NALF1: variants seen among roughly 807,000 people sequenced by gnomAD.
NALF1 encodes the protein NALCN channel auxiliary factor 1.
NALF1 carries 3 observed loss-of-function variants against 48.4 expected under a neutral mutation model. That is an observed-to-expected ratio of 0.06 (90% confidence interval 0.03 to 0.16). The LOEUF (loss-of-function observed/expected upper bound fraction) is 0.16, where lower values mean the gene tolerates loss of function less well. Ranked by LOEUF, NALF1 falls within the 10% of genes least tolerant of loss-of-function variation. The pLI, the probability that NALF1 is intolerant of heterozygous loss-of-function variation, is 1.00. For missense variants in NALF1, 526 were observed against 571.5 expected (o/e 0.92, Z 0.81); for synonymous variants, 262 against 245.7 (o/e 1.07, Z -0.62).
chr13:107,852,334 A>C (rs1258904818), intron 1 of NALF1, among the ~76,000 whole-genome samples: 1 of 152,148 alleles, frequency 6.6e-6, no homozygotes, highest in African/African-American at 2.4e-5. Context: ...TCAGTGCCTA[A>C]ATTACCATTG....
Position 107,163,914 on chromosome 13 carries a change from A to G in NALF1, c.*6583T>C, listed in dbSNP as rs1176062369. ...GAGAAAAAGGAAGAAAAAGAAAGCAAGAGGTTTTCTTTTAACGTCCATATA... is the reference window on the plus strand; with the variant it reads ...GAGAAAAAGGAAGAAAAAGAAAGCAGGAGGTTTTCTTTTAACGTCCATATA... On this transcript the variant is annotated 3_prime_UTR_variant, in exon 3 of 3. Coordinates refer to ENST00000375915, the MANE Select transcript of NALF1 (RefSeq NM_001080396.3). The G allele has an allele frequency of 6.6e-6, 1 of 152,208 alleles. No homozygotes were observed. The highest frequency in any genetic ancestry group is 6.5e-5 in the Admixed American group (1 of 15,282). The allele number at this position is 152,208 out of a possible 1,614,324, so 9.4% of individuals were successfully genotyped here.
chr13:107,526,861 A>C (rs1473546649), intron 1 of NALF1, among the ~76,000 whole-genome samples: 1 of 152,176 alleles, frequency 6.6e-6, no homozygotes, highest in Non-Finnish European at 1.5e-5. Context: ...ATGAGTCCAG[A>C]AAAACACTTT....
In NALF1 at chr13:107,537,529, C is replaced by T. The variant is rs75687761; in HGVS notation, c.916-326774G>A. On this transcript the variant is annotated intron_variant, in intron 1 of 2. Coordinates refer to ENST00000375915, the MANE Select transcript of NALF1 (RefSeq NM_001080396.3). ...GCCACAATATTTTTACAGATTCATG[C>T]TAATAATGATACAGTTGTCGTCTTA... Among the ~76,000 whole-genome samples the T allele has an allele frequency of 6.9e-3, 1,056 of 152,136 alleles. 39 individuals are homozygous for T. The East Asian group carries it at 0.1, about 15-fold the overall frequency.
chr13:107,767,625 G>A (rs1262313207), intron 1 of NALF1, among the ~76,000 whole-genome samples: 1 of 152,154 alleles, frequency 6.6e-6, no homozygotes, highest in East Asian at 1.9e-4. Context: ...GCTTTCATGG[G>A]ATAGTATAAA....
intron 1 of NALF1, among the ~76,000 whole-genome samples, chr13:107,679,692 T>C (rs1881227334): frequency 6.6e-6 from 1 of 152,126 alleles, no homozygotes; most frequent in South Asian, 2.1e-4. Flanking sequence ...CCCACTGTGG[T>C]GCTGCACCAT....
chr13:107,702,627 C>G (rs762424100), intron 1 of NALF1, among the ~76,000 whole-genome samples: 6 of 152,080 alleles, frequency 3.9e-5, no homozygotes, highest in Non-Finnish European at 8.8e-5. Context: ...GTTTGCCGCA[C>G]AGACCATCCC....
chr13:107,278,718 T>C (rs1881329227), intron 1 of NALF1, among the ~76,000 whole-genome samples: 1 of 152,206 alleles, frequency 6.6e-6, no homozygotes, highest in African/African-American at 2.4e-5. Context: ...TGATAGCATT[T>C]TTGCCTGATC....
intron 1 of NALF1, among the ~76,000 whole-genome samples, chr13:107,774,849 C>A (rs1325518246): frequency 6.6e-6 from 1 of 152,098 alleles, no homozygotes; most frequent in East Asian, 1.9e-4. Context: ...ATGGTTCTTC[C>A]TTCCTCTCTT....
intron 1 of NALF1, among the ~76,000 whole-genome samples, chr13:107,467,865 C>A (rs949924586): frequency 6.6e-6 from 1 of 151,862 alleles, no homozygotes; most frequent in Admixed American, 6.6e-5. Flanking sequence ...ATGGTGAAAC[C>A]CCATCTCTAC....
rs181578788 is a variant in NALF1, at chr13:107,504,024, C to T, written c.916-293269G>A. ...ATCCCAGCACTTTGGGAGGCTGAGG[C>T]GGGCGGATCACTTGAGGCCAGGAGT... On this transcript the variant is annotated intron_variant, in intron 1 of 2. Coordinates refer to ENST00000375915, the MANE Select transcript of NALF1 (RefSeq NM_001080396.3). Among the ~76,000 whole-genome samples, 1,035 of 151,242 alleles carry T rather than the reference C, an allele frequency of 6.8e-3. 13 individuals carry two copies. Among genetic ancestry groups the T allele is most frequent in the African/African-American group, 0.024 (991 of 41,226 alleles).
chr13:107,464,242 T>C (rs944197133), intron 1 of NALF1, among the ~76,000 whole-genome samples: 1 of 151,796 alleles, frequency 6.6e-6, no homozygotes, highest in Admixed American at 6.6e-5. Context: ...AAAACTGTCA[T>C]AGTACAGTGA....
At chr13:107,320,918 C>T (rs1411550815) in intron 1 of NALF1, 6 of 181,094 alleles carry the variant, frequency 3.3e-5, no homozygotes, top group Middle Eastern at 1.6e-3. Flanking sequence ...ATATCTTTCA[C>T]GCATGTTGAT....
At chr13:107,448,079 C>A (rs1198984045) in intron 1 of NALF1, among the ~76,000 whole-genome samples, 1 of 152,170 alleles carries the variant, frequency 6.6e-6, no homozygotes, top group Non-Finnish European at 1.5e-5. Flanking sequence ...CCCTTCCTCT[C>A]TTATATAATG....
chr13:107,767,573 G>C (rs1382484586), intron 1 of NALF1, among the ~76,000 whole-genome samples: 1 of 152,232 alleles, frequency 6.6e-6, no homozygotes, highest in Non-Finnish European at 1.5e-5. Flanking sequence ...AGAACTGCAA[G>C]TGTATCTGAA....
chr13:107,625,060 C>T (rs1283050803), intron 1 of NALF1, among the ~76,000 whole-genome samples: 2 of 152,124 alleles, frequency 1.3e-5, no homozygotes, highest in Non-Finnish European at 2.9e-5. Context: ...TACTGTGGCC[C>T]CTAATTGGGC....
chr13:107,851,521 G>A (rs9520603), intron 1 of NALF1, among the ~76,000 whole-genome samples: 56,806 of 151,746 alleles, frequency 0.37, 13,167 homozygotes, highest in Non-Finnish European at 0.53. Flanking sequence ...CAGTCATAAA[G>A]TTATCAAACA....
At chr13:107,706,489 T>A (rs188691215) in intron 1 of NALF1, among the ~76,000 whole-genome samples, 4 of 152,332 alleles carry the variant, frequency 2.6e-5, no homozygotes, top group Admixed American at 2.6e-4. Flanking sequence ...GATTTTCTTA[T>A]CATATTTATT....
chr13:107,371,515 T>C (rs995960511), intron 1 of NALF1, among the ~76,000 whole-genome samples: 3 of 152,114 alleles, frequency 2.0e-5, no homozygotes, highest in Admixed American at 1.3e-4. Flanking sequence ...ACCCCAAATA[T>C]AAAACAGCAA....
At chr13:107,773,640 G>A (rs1877640761) in intron 1 of NALF1, among the ~76,000 whole-genome samples, 2 of 147,656 alleles carry the variant, frequency 1.4e-5, no homozygotes, top group South Asian at 2.1e-4. Flanking sequence ...AAAATAATGA[G>A]TGTCCGCATG....
Sources: allele counts gnomAD v4.1 joint callset (sites outside exome capture counted in the v4.1 genomes callset), GRCh38; gene constraint gnomAD v4.1.1; transcripts MANE v1.5; gene names NCBI Gene and HGNC (gene_info 2026-07-23, HGNC 2026-07-21).